Variants in NOL4 observed in about 807,000 individuals in gnomAD.
NOL4 encodes the protein cancer/testis antigen 125.
Under a neutral mutation model 75.9 loss-of-function variants are expected in NOL4, and 17 were observed. The observed-to-expected ratio is 0.22, with a 90% CI of 0.15 to 0.34. The LOEUF is 0.34. Among genes scored for constraint, NOL4 ranks in the 10% least tolerant of loss-of-function variants. NOL4 has a pLI of 1.00. For missense variants in NOL4, 614 were observed against 793.5 expected (o/e 0.77, Z 2.72); for synonymous variants, 292 against 289.9 (o/e 1.01, Z -0.07).
In NOL4 at chr18:34,177,036, A is replaced by C. The variant is rs186412913; in HGVS notation, c.264+45954T>G. ...GTTATTTAAAATAGCCCCAAACTGG[A>C]AACAATCCAAATGTGCAGCAACAGA... is the stretch of plus-strand genomic sequence containing the variant. On this transcript the variant is annotated intron_variant, in intron 1 of 10. Transcript: ENST00000261592. Among the ~76,000 whole-genome samples the C allele has an allele frequency of 3.6e-4, 55 of 152,164 alleles. 1 individual carries two copies. The East Asian group carries it at 0.01, about 28-fold the overall frequency.
chr18:34,089,010 T>G (rs930713494), intron 5 of NOL4, among the ~76,000 whole-genome samples: 19 of 152,234 alleles, frequency 1.2e-4, no homozygotes, highest in African/African-American at 4.6e-4. Flanking sequence ...TGTATACATA[T>G]CTATATATCC....
At chr18:33,869,994 C>T (rs899177578) in intron 10 of NOL4, among the ~76,000 whole-genome samples, 2 of 152,046 alleles carry the variant, frequency 1.3e-5, no homozygotes, top group African/African-American at 2.4e-5. Context: ...CATTTCTCAC[C>T]TTTGTTATTA....
chr18:34,213,255 T>C (rs1193060910), intron 1 of NOL4, among the ~76,000 whole-genome samples: 4 of 152,184 alleles, frequency 2.6e-5, no homozygotes, highest in Non-Finnish European at 5.9e-5. Context: ...AAGAGGTGAT[T>C]AGGTCCTGAG....
At chr18:34,097,009 G>C (rs1197714866) in intron 4 of NOL4, among the ~76,000 whole-genome samples, 1 of 152,004 alleles carries the variant, frequency 6.6e-6, no homozygotes, top group Non-Finnish European at 1.5e-5. Flanking sequence ...TGCCTGATTA[G>C]TTCAAAATTG....
At chr18:33,950,653 C>T (rs2069154787) in intron 8 of NOL4, among the ~76,000 whole-genome samples, 1 of 152,016 alleles carries the variant, frequency 6.6e-6, no homozygotes, top group African/African-American at 2.4e-5. Context: ...TGGATAACAG[C>T]AATATAAGAC....
At chr18:33,900,631 A>G (rs2065690531) in intron 9 of NOL4, among the ~76,000 whole-genome samples, 1 of 152,198 alleles carries the variant, frequency 6.6e-6, no homozygotes, top group Non-Finnish European at 1.5e-5. Flanking sequence ...AAGATAAAAC[A>G]GGTTTTTAAA....
intron 1 of NOL4, among the ~76,000 whole-genome samples, chr18:34,170,948 G>A (rs922072265): frequency 6.6e-6 from 1 of 152,130 alleles, no homozygotes; most frequent in African/African-American, 2.4e-5. Context: ...CATCCAGTTT[G>A]CTATAAATAA....
At chr18:34,209,862 C>T (rs34089655) in intron 1 of NOL4, among the ~76,000 whole-genome samples, 17,355 of 152,110 alleles carry the variant, frequency 0.11, 1,164 homozygotes, top group Non-Finnish European at 0.15. Flanking sequence ...TTCTCAGGCT[C>T]TTATGGATAT....
At chr18:33,985,650 A>T (rs1011088183) in intron 6 of NOL4, among the ~76,000 whole-genome samples, 21 of 152,104 alleles carry the variant, frequency 1.4e-4, no homozygotes, top group African/African-American at 4.8e-4. Flanking sequence ...CTATTATAGC[A>T]AAACCCACTA....
At chr18:34,160,473 C>T (rs2031289701) in intron 1 of NOL4, among the ~76,000 whole-genome samples, 1 of 152,012 alleles carries the variant, frequency 6.6e-6, no homozygotes, top group Admixed American at 6.6e-5. Context: ...AATGGAGATG[C>T]TTGTGAATCT....
At chr18:34,215,828 A>G (rs1470513870) in intron 1 of NOL4, among the ~76,000 whole-genome samples, 3 of 152,182 alleles carry the variant, frequency 2.0e-5, no homozygotes, top group Non-Finnish European at 2.9e-5. Flanking sequence ...TTAACTACTA[A>G]TAGTCTACTG....
At chr18:34,033,112 G>C (rs1318887568) in intron 5 of NOL4, among the ~76,000 whole-genome samples, 2 of 152,040 alleles carry the variant, frequency 1.3e-5, no homozygotes, top group Admixed American at 1.3e-4. Flanking sequence ...TATACCAGAT[G>C]CAGAGATATC....
chr18:33,932,622 A>G (rs1355714383), intron 9 of NOL4, among the ~76,000 whole-genome samples: 1 of 152,118 alleles, frequency 6.6e-6, no homozygotes, highest in Non-Finnish European at 1.5e-5. Context: ...TGGTGGAATT[A>G]CTAGTAAAAT....
Position 33,969,424 on chromosome 18 carries a change from T to C in NOL4, c.1057-11006A>G, listed in dbSNP as rs759391064. On this transcript the variant is annotated intron_variant, in intron 6 of 10. Transcript: ENST00000261592. ...TGCTCTCAATCTTGTATTAAATAAA[T>C]AGACAACAAAATGATGTAGGCTTCT... Among the ~76,000 whole-genome samples, 4 of 152,286 alleles carry C rather than the reference T, an allele frequency of 2.6e-5. No homozygotes were observed. In the East Asian group the frequency reaches 5.8e-4, roughly 22 times the overall value.
intron 9 of NOL4, among the ~76,000 whole-genome samples, chr18:33,897,949 C>T (rs1171789975): frequency 6.6e-6 from 1 of 152,018 alleles, no homozygotes; most frequent in East Asian, 1.9e-4. Context: ...GATCTCACTC[C>T]ATCATTCAGC....
At chr18:34,090,647 G>T (rs2078466335) in intron 5 of NOL4, among the ~76,000 whole-genome samples, 1 of 151,346 alleles carries the variant, frequency 6.6e-6, no homozygotes, top group Non-Finnish European at 1.5e-5. Flanking sequence ...GACAGAAATG[G>T]CACCAGAAAA....
intron 9 of NOL4, among the ~76,000 whole-genome samples, chr18:33,927,658 C>G (rs746647601): frequency 6.6e-6 from 1 of 152,124 alleles, no homozygotes; most frequent in South Asian, 2.1e-4. Flanking sequence ...GAAAGTTGAT[C>G]TTTTGTCATG....
intron 5 of NOL4, among the ~76,000 whole-genome samples, chr18:34,027,908 G>T (rs1206290531): frequency 1.3e-5 from 2 of 152,132 alleles, no homozygotes; most frequent in African/African-American, 2.4e-5. Context: ...AGGATTCCCA[G>T]ATAATGAGTA....
chr18:34,205,096 T>TAA (rs977962344), intron 1 of NOL4, among the ~76,000 whole-genome samples: 1 of 152,128 alleles, frequency 6.6e-6, no homozygotes, highest in African/African-American at 2.4e-5. Context: ...TTTTGAAAAA[T>TAA]GTTTAAGTCC....
Sources: gnomAD v4.1 joint callset for allele counts (sites outside exome capture counted in the v4.1 genomes callset) on GRCh38, gnomAD v4.1.1 for gene constraint, MANE v1.5 for transcripts, NCBI Gene and HGNC (gene_info 2026-07-23, HGNC 2026-07-21) for gene names.